CX3CR1: variants seen among roughly 807,000 people sequenced by gnomAD.
The protein encoded by CX3CR1 is CX3C chemokine receptor 1.
For missense variants in CX3CR1, 363 were observed against 432.4 expected, an observed-to-expected ratio of 0.84 and a Z score of 1.42; for synonymous variants, 168 against 178.5, an observed-to-expected ratio of 0.94 and a Z score of 0.47.
the CX3CR1 span, among the ~76,000 whole-genome samples, chr3:39,292,940 T>C: frequency 6.6e-6 from 1 of 152,186 alleles, no homozygotes; most frequent in African/African-American, 2.4e-5. Flanking sequence ...TATCTGGAGG[T>C]AATGATATAG....
chr3:39,265,557 C>A lies in CX3CR1; in HGVS notation c.953G>T (p.Arg318Leu). 1 of 1,614,142 alleles carries A rather than the reference C, an allele frequency of 6.2e-7. No homozygotes were observed. Among genetic ancestry groups the A allele is most frequent in the Non-Finnish European group, 8.5e-7 (1 of 1,180,020 alleles). ...YGKCLAVLCG[R>L]SVHVDFSSSE... ...TGAGGAGAAATCAACGTGGACTGAG[C>A]GCCCACACAGGACAGCCAGGCATTT... The change falls in exon 2 of 2, where the codon CGC (arginine) becomes CTC (leucine). Residue 318 changes from arginine to leucine, a missense_variant. Coordinates refer to ENST00000399220, the MANE Select transcript of CX3CR1 (RefSeq NM_001337.4).
At chr3:39,277,305 G>C (rs977406863) in intron 1 of CX3CR1, among the ~76,000 whole-genome samples, 2 of 152,180 alleles carry the variant, frequency 1.3e-5, no homozygotes, top group Non-Finnish European at 2.9e-5. Flanking sequence ...GTGGGATCAA[G>C]GTTCAGCTAG....
the CX3CR1 span, among the ~76,000 whole-genome samples, chr3:39,289,614 T>C: frequency 1.2e-4 from 18 of 150,398 alleles, no homozygotes; most frequent in East Asian, 2.3e-3. Flanking sequence ...TAACTATTCT[T>C]AGAAAAAAAT....
chr3:39,270,779 A>G (rs755125836), intron 1 of CX3CR1, among the ~76,000 whole-genome samples: 2 of 152,256 alleles, frequency 1.3e-5, no homozygotes, highest in Non-Finnish European at 2.9e-5. Flanking sequence ...TACACATACT[A>G]CGTATTTTGG....
chr3:39,279,051 G>C (rs1265575946), intron 1 of CX3CR1, among the ~76,000 whole-genome samples: 1 of 152,128 alleles, frequency 6.6e-6, no homozygotes, highest in African/African-American at 2.4e-5. Context: ...CCAGCTACTT[G>C]GGAGGCTGAG....
chr3:39,283,842 A>T (rs550391934), upstream of CX3CR1, among the ~76,000 whole-genome samples: 358 of 67,218 alleles, frequency 5.3e-3, 5 homozygotes, highest in South Asian at 7.6e-3. Context: ...TATATATATA[A>T]TGTGGTTAAT....
At chr3:39,275,265 G>A (rs1382296418) in intron 1 of CX3CR1, among the ~76,000 whole-genome samples, 2 of 152,194 alleles carry the variant, frequency 1.3e-5, no homozygotes, top group Non-Finnish European at 2.9e-5. Flanking sequence ...TCTTTCCCAA[G>A]GACCTGGGCG....
chr3:39,288,759 G>C, the CX3CR1 span, among the ~76,000 whole-genome samples: 1 of 152,162 alleles, frequency 6.6e-6, no homozygotes, highest in African/African-American at 2.4e-5. Context: ...TGAGCCAGCC[G>C]GCCCACAATT....
rs1351793700 is a variant in CX3CR1 at position 39,263,908 on chromosome 3, C to CT, written c.*1533dup. 1 of 152,142 alleles carries CT rather than the reference C, an allele frequency of 6.6e-6. No individual in the cohort carries two copies. Among genetic ancestry groups the CT allele is most frequent in the Non-Finnish European group, 1.5e-5 (1 of 68,016 alleles). The allele number at this position is 152,142 out of a possible 1,614,324, so 9.4% of individuals were successfully genotyped here. On this transcript the variant is annotated 3_prime_UTR_variant, in exon 2 of 2. Transcript: ENST00000399220. ...ATGTGGTTAGATTGGATGACTTTTT[C>CT]TTTAGCATTATTACAATTGTTTTCG...
At chr3:39,271,387 A>G (rs2040773878) in intron 1 of CX3CR1, among the ~76,000 whole-genome samples, 1 of 152,146 alleles carries the variant, frequency 6.6e-6, no homozygotes, top group Non-Finnish European at 1.5e-5. Flanking sequence ...GAATTAATAA[A>G]TAAGTGAATG....
upstream of CX3CR1, chr3:39,281,743 T>C: frequency 5.0e-6 from 7 of 1,411,910 alleles, no homozygotes; most frequent in Non-Finnish European, 5.9e-6. Flanking sequence ...CCCTTCTCAC[T>C]TCCTACTGTG....
chr3:39,274,231 T>C (rs371295353), intron 1 of CX3CR1, among the ~76,000 whole-genome samples: 2 of 152,174 alleles, frequency 1.3e-5, no homozygotes, highest in Non-Finnish European at 2.9e-5. Flanking sequence ...TTCTCATTTA[T>C]GATGGCAGCT....
At chr3:39,282,000 G>T (rs1167338317), upstream of CX3CR1, among the ~76,000 whole-genome samples, 3 of 152,210 alleles carry the variant, frequency 2.0e-5, no homozygotes, top group African/African-American at 7.2e-5. Context: ...ACCTGTGAAT[G>T]TGTGAGGGAT....
upstream of CX3CR1, chr3:39,286,142 T>A (rs1340732219): frequency 6.6e-6 from 1 of 152,224 alleles, no homozygotes; most frequent in Admixed American, 6.5e-5. Context: ...ACAGGTAGAT[T>A]TCCTAAACTA....
chr3:39,263,887 G>C lies in CX3CR1; in HGVS notation c.*1555C>G, dbSNP rs2040655337. 6.6e-6 allele frequency: 1 copy of C among 152,104 alleles called. No homozygotes were observed. Among genetic ancestry groups the C allele is most frequent in the Non-Finnish European group, 1.5e-5 (1 of 68,048 alleles). The allele number at this position is 152,104 out of a possible 1,614,324, so 9.4% of individuals were successfully genotyped here. A position where few individuals can be genotyped will look rare whatever the true frequency, so the allele number is the denominator to read the frequency against. On this transcript the variant is annotated 3_prime_UTR_variant, in exon 2 of 2. Transcript: ENST00000399220. ...AATACAGGAATGACAATATTGATGT[G>C]GTTAGATTGGATGACTTTTTCTTTA...
chr3:39,276,420 A>C (rs1487415744), intron 1 of CX3CR1, among the ~76,000 whole-genome samples: 1 of 152,178 alleles, frequency 6.6e-6, no homozygotes, highest in Admixed American at 6.5e-5. Context: ...AGTGCAAATG[A>C]CTCTTGCTCA....
rs150957545 is a variant in CX3CR1, at chr3:39,268,118, G to A, written c.-9-1600C>T. ...CCAGGTGGTGTCTCACCAAGATGAGGGCCCACCCAGCCAGGGTGTGTCACT... is the reference window on the plus strand; with the variant it reads ...CCAGGTGGTGTCTCACCAAGATGAGAGCCCACCCAGCCAGGGTGTGTCACT... On this transcript the variant is annotated intron_variant, in intron 1 of 1. Transcript: ENST00000399220. Among the ~76,000 whole-genome samples the A allele has an allele frequency of 1.3e-4, 20 of 152,284 alleles. No homozygotes were observed. The East Asian group carries it at 3.9e-3, about 29-fold the overall frequency.
chr3:39,282,080 G>A (rs1319482727), upstream of CX3CR1, among the ~76,000 whole-genome samples: 6 of 152,132 alleles, frequency 3.9e-5, no homozygotes, highest in Non-Finnish European at 5.9e-5. Flanking sequence ...TAAGCAAGTC[G>A]GTTATTTGGC....
At chr3:39,271,392 T>G (rs1025921403) in intron 1 of CX3CR1, among the ~76,000 whole-genome samples, 1 of 152,036 alleles carries the variant, frequency 6.6e-6, no homozygotes, top group African/African-American at 2.4e-5. Context: ...AATAAATAAG[T>G]GAATGAAAGA....
Sources: allele counts gnomAD v4.1 joint callset (sites outside exome capture counted in the v4.1 genomes callset), GRCh38; gene constraint gnomAD v4.1.1; transcripts MANE v1.5; gene names NCBI Gene and HGNC (gene_info 2026-07-23, HGNC 2026-07-21).